CHST9: variants seen among roughly 807,000 people sequenced by gnomAD.
CHST9 encodes the protein GalNAc-4-sulfotransferase 2.
In CHST9, 41 loss-of-function variants were observed where a neutral mutation model predicts 44.4. The observed-to-expected ratio is 0.92, with a 90% CI of 0.72 to 1.20. The LOEUF (loss-of-function observed/expected upper bound fraction) is 1.20, where lower values mean the gene tolerates loss of function less well. Among genes scored for constraint, CHST9 ranks in the 50% most tolerant of loss-of-function variants. CHST9 has a pLI of 0.00. For synonymous variants in CHST9, 171 were observed against 178.4 expected, an observed-to-expected ratio of 0.96 and a Z score of 0.33; for missense variants, 504 against 516.5, an observed-to-expected ratio of 0.98 and a Z score of 0.23.
At chr18:27,167,104 A>G (rs1437488800) in intron 1 of CHST9, among the ~76,000 whole-genome samples, 1 of 152,218 alleles carries the variant, frequency 6.6e-6, no homozygotes, top group African/African-American at 2.4e-5. Flanking sequence ...AAGGGAGGAC[A>G]TCTTTCTCTT....
intron 1 of CHST9, among the ~76,000 whole-genome samples, chr18:27,166,863 T>C (rs1445057425): frequency 6.6e-6 from 1 of 152,134 alleles, no homozygotes; most frequent in Non-Finnish European, 1.5e-5. Context: ...GGAGCCTTCA[T>C]AGGGAAATGA....
At chr18:26,920,981 G>C (rs2055640718) in intron 5 of CHST9, among the ~76,000 whole-genome samples, 2 of 152,226 alleles carry the variant, frequency 1.3e-5, no homozygotes, top group Middle Eastern at 6.8e-3. Context: ...GAATGTCTGA[G>C]TGTAAGGCCC....
At position 27,070,747 on chromosome 18, in the gene CHST9, T is replaced by C. The variant is rs190483284; in HGVS notation, c.122-22244A>G. ...CCCAAACACTCCTTGCTTTTTGTTG[T>C]CCTTGCTTTTGCCAGTTATGCAGGT... On this transcript the variant is annotated intron_variant, in intron 2 of 5. Coordinates refer to ENST00000618847, the MANE Select transcript of CHST9 (RefSeq NM_031422.6). Among the ~76,000 whole-genome samples, 13 of 152,356 alleles carry C rather than the reference T, an allele frequency of 8.5e-5. No individual in the cohort carries two copies. In the East Asian group the frequency reaches 2.3e-3, roughly 27 times the overall value.
At chr18:26,983,376 G>T (rs576944074) in intron 4 of CHST9, among the ~76,000 whole-genome samples, 21 of 152,254 alleles carry the variant, frequency 1.4e-4, no homozygotes, top group Admixed American at 6.5e-5. Context: ...TCATGGCTTG[G>T]TGCTGTCCTT....
At chr18:26,950,847 C>A (rs1317923519) in intron 4 of CHST9, among the ~76,000 whole-genome samples, 2 of 152,156 alleles carry the variant, frequency 1.3e-5, no homozygotes, top group Non-Finnish European at 2.9e-5. Context: ...TCAAGAACCA[C>A]CTGTTCTGCA....
chr18:27,168,167 C>T (rs1012594900), intron 1 of CHST9, among the ~76,000 whole-genome samples: 8 of 151,760 alleles, frequency 5.3e-5, no homozygotes, highest in East Asian at 1.9e-4. Flanking sequence ...CCCCGCCTCC[C>T]GGGTTCATGC....
chr18:27,129,824 C>G (rs2058456720), intron 2 of CHST9, among the ~76,000 whole-genome samples: 1 of 152,062 alleles, frequency 6.6e-6, no homozygotes, highest in Non-Finnish European at 1.5e-5. Flanking sequence ...TCTCAGCAGA[C>G]AGATTTTCAG....
intron 4 of CHST9, among the ~76,000 whole-genome samples, chr18:26,975,123 G>T (rs1309867719): frequency 6.6e-6 from 1 of 152,136 alleles, no homozygotes; most frequent in East Asian, 1.9e-4. Flanking sequence ...ACCTTACTTT[G>T]TTGTTTAAAT....
At position 26,914,437 on chromosome 18, in the gene CHST9, C is replaced by T. The variant is rs888673900; in HGVS notation, c.*1822G>A. On this transcript the variant is annotated 3_prime_UTR_variant, in exon 6 of 6. Transcript: ENST00000618847. ...CCATAAAAAGATAATTTCAATTTCC[C>T]TAAATTACTAGGAATCTACTCTACA... 1 of 152,260 alleles carries T rather than the reference C, an allele frequency of 6.6e-6. No homozygotes were observed. The highest frequency in any genetic ancestry group is 1.5e-5 in the Non-Finnish European group (1 of 68,178). 9.4% of individuals were successfully genotyped at this position (152,260 alleles called of 1,614,324 possible).
chr18:27,078,858 A>G (rs1222557509), intron 2 of CHST9, among the ~76,000 whole-genome samples: 1 of 152,162 alleles, frequency 6.6e-6, no homozygotes, highest in Non-Finnish European at 1.5e-5. Context: ...TGCCATAAAT[A>G]TTGATTTTGG....
chr18:27,052,023 T>C (rs1259513636), intron 2 of CHST9, among the ~76,000 whole-genome samples: 1 of 152,146 alleles, frequency 6.6e-6, no homozygotes, highest in Non-Finnish European at 1.5e-5. Flanking sequence ...GCATCTCATG[T>C]TTCAGAAGGG....
intron 4 of CHST9, among the ~76,000 whole-genome samples, chr18:26,999,865 T>C (rs2056928520): frequency 6.6e-6 from 1 of 152,206 alleles, no homozygotes; most frequent in Non-Finnish European, 1.5e-5. Flanking sequence ...AACAAATACA[T>C]ACAATCAGTT....
intron 1 of CHST9, among the ~76,000 whole-genome samples, chr18:27,169,839 C>T (rs891675322): frequency 6.6e-6 from 1 of 152,002 alleles, no homozygotes; most frequent in Non-Finnish European, 1.5e-5. Context: ...GATCTCCTAA[C>T]GTCGTGATCC....
intron 2 of CHST9, among the ~76,000 whole-genome samples, chr18:27,124,155 A>G (rs952053582): frequency 2.0e-5 from 3 of 152,222 alleles, no homozygotes; most frequent in Admixed American, 6.5e-5. Context: ...AGAAATCCAG[A>G]TGCTAAAAAT....
chr18:27,059,676 C>G (rs920970135), intron 2 of CHST9, among the ~76,000 whole-genome samples: 5 of 152,190 alleles, frequency 3.3e-5, no homozygotes, highest in African/African-American at 1.2e-4. Context: ...TCCCCACACT[C>G]TTAATCATCA....
At chr18:26,930,103 A>G (rs1306027588) in intron 5 of CHST9, among the ~76,000 whole-genome samples, 1 of 152,122 alleles carries the variant, frequency 6.6e-6, no homozygotes, top group African/African-American at 2.4e-5. Flanking sequence ...GGCTTATGTC[A>G]CTTGCATATT....
At chr18:26,952,421 C>T (rs934693864) in intron 4 of CHST9, 5 of 429,150 alleles carry the variant, frequency 1.2e-5, no homozygotes, top group Non-Finnish European at 1.8e-5. Flanking sequence ...GCCTTTGCAC[C>T]ATAGTTTTTA....
intron 1 of CHST9, among the ~76,000 whole-genome samples, chr18:27,149,309 G>A (rs1330240747): frequency 5.3e-5 from 8 of 151,986 alleles, no homozygotes; most frequent in Admixed American, 4.6e-4. Context: ...TGCTTTTGGT[G>A]TTTTAGACAC....
intron 2 of CHST9, among the ~76,000 whole-genome samples, chr18:27,132,688 G>A (rs1220002644): frequency 6.6e-6 from 1 of 152,218 alleles, no homozygotes; most frequent in Non-Finnish European, 1.5e-5. Context: ...GGTAAATAGA[G>A]AAAATGGGGT....
Sources: gnomAD v4.1 joint callset for allele counts (sites outside exome capture counted in the v4.1 genomes callset) on GRCh38, gnomAD v4.1.1 for gene constraint, MANE v1.5 for transcripts, NCBI Gene and HGNC (gene_info 2026-07-23, HGNC 2026-07-21) for gene names.